The following NEURL1 variants were observed in gnomAD, a reference collection of about 807,000 sequenced individuals.
NEURL1 encodes the protein neuralized E3 ubiquitin protein ligase 1, also known as E3 ubiquitin-protein ligase NEURL1.
Under a neutral mutation model 41.2 loss-of-function variants are expected in NEURL1, and 26 were observed. That is an observed-to-expected ratio of 0.63 (90% CI 0.46 to 0.87). NEURL1 has a LOEUF of 0.87. NEURL1 is among the 40% of genes least tolerant of loss of function. The probability of loss-of-function intolerance (pLI) is 0.00; values close to 1 mark genes in which losing one functional copy is unlikely to be tolerated. For synonymous variants in NEURL1, 400 were observed against 402.3 expected (o/e 0.99, Z 0.07); for missense variants, 761 against 871.1 (o/e 0.87, Z 1.59).
At chr10:103,584,296 G>A (rs147080332) in intron 3 of NEURL1, among the ~76,000 whole-genome samples, 1 of 152,324 alleles carries the variant, frequency 6.6e-6, no homozygotes, top group East Asian at 1.9e-4. Context: ...GCACCTGTGA[G>A]CATTTGGAAG....
rs1239941547 is a variant in NEURL1, at chr10:103,569,924, G to A, written c.86-948G>A. On this transcript the variant is annotated intron_variant, in intron 1 of 5. Coordinates refer to ENST00000369780, the MANE Select transcript of NEURL1 (RefSeq NM_004210.5). ...TTGGAGATGCAAAGTGGTACAGAGG[G>A]ATGCAGACCAAAGCCAACACAGAGG... 2.0e-5 allele frequency among the ~76,000 whole-genome samples: 3 copies of A among 152,184 alleles called. 1 individual carries two copies. The highest frequency in any genetic ancestry group is 4.1e-4 in the South Asian group (2 of 4,830).
chr10:103,584,614 C>A lies in NEURL1; in HGVS notation c.728C>A (p.Ala243Glu), dbSNP rs2035857933. The change falls in exon 4 of 6, where the codon GCG becomes GAG. Residue 243 changes from alanine to glutamate, a missense_variant. By Grantham distance (107) the Ala-to-Glu change is moderately radical (BLOSUM62 -1). Around this residue, in one of 5 missense-constraint regions of NEURL1, gnomAD observed 114 missense variants for 144.8 expected, o/e 0.79. Transcript: ENST00000369780. ...CGGCGGCCGTCGCTGCGGCGCGAGG[C>A]GGACGACGCGCGCCTCTCGGTGAGC... ...ALRRPSLRREADDARLSVSLC... is the reference protein window; with the variant it reads ...ALRRPSLRREEDDARLSVSLC... The A allele has an allele frequency of 7.1e-7, 1 of 1,414,912 alleles. No individual in the cohort carries two copies. Among genetic ancestry groups the A allele is most frequent in the Non-Finnish European group, 9.2e-7 (1 of 1,090,272 alleles). 87.6% of individuals were successfully genotyped at this position (1,414,912 alleles called of 1,614,324 possible). A position where few individuals can be genotyped will look rare whatever the true frequency, so the allele number is the denominator to read the frequency against.
intron 1 of NEURL1, among the ~76,000 whole-genome samples, chr10:103,560,180 T>C (rs1019124507): frequency 1.3e-5 from 2 of 150,362 alleles, no homozygotes; most frequent in African/African-American, 5.0e-5. Flanking sequence ...TACACATGCA[T>C]GACTGTGGAT....
At chr10:103,587,935 T>G (rs2035955947) in intron 4 of NEURL1, among the ~76,000 whole-genome samples, 1 of 152,158 alleles carries the variant, frequency 6.6e-6, no homozygotes, top group Non-Finnish European at 1.5e-5. Context: ...AAGATCTCAT[T>G]GGGCACTTAG....
At chr10:103,533,505 G>A (rs1394028175) in intron 1 of NEURL1, among the ~76,000 whole-genome samples, 3 of 151,572 alleles carry the variant, frequency 2.0e-5, no homozygotes, top group Non-Finnish European at 4.4e-5. Context: ...GAGTAGCTGG[G>A]ATTACAGGCA....
chr10:103,531,672 C>T (rs1207706402), intron 1 of NEURL1, among the ~76,000 whole-genome samples: 1 of 149,270 alleles, frequency 6.7e-6, no homozygotes, highest in Non-Finnish European at 1.5e-5. Flanking sequence ...TGCATACTAC[C>T]ATTCCTGGCT....
intron 1 of NEURL1, among the ~76,000 whole-genome samples, chr10:103,546,855 A>G (rs1313367728): frequency 6.6e-6 from 1 of 152,178 alleles, no homozygotes; most frequent in African/African-American, 2.4e-5. Flanking sequence ...GGGGCTAAAG[A>G]GCTTTGAGAG....
At chr10:103,530,533 A>G (rs1421745051) in intron 1 of NEURL1, among the ~76,000 whole-genome samples, 1 of 152,122 alleles carries the variant, frequency 6.6e-6, no homozygotes, top group Admixed American at 6.6e-5. Context: ...TATGGTCAGA[A>G]ATGATAGTTG....
chr10:103,565,045 C>T (rs1406842347), intron 1 of NEURL1, among the ~76,000 whole-genome samples: 3 of 152,122 alleles, frequency 2.0e-5, no homozygotes, highest in African/African-American at 7.2e-5. Context: ...AGAAGAGTGG[C>T]GAGGCCTGAG....
intron 1 of NEURL1, among the ~76,000 whole-genome samples, chr10:103,510,456 G>A (rs2034043628): frequency 6.6e-6 from 1 of 152,154 alleles, no homozygotes; most frequent in Non-Finnish European, 1.5e-5. Context: ...AGCACACATC[G>A]AGTGGGACAT....
chr10:103,568,645 C>T (rs2035475428), intron 1 of NEURL1, among the ~76,000 whole-genome samples: 1 of 151,994 alleles, frequency 6.6e-6, no homozygotes, highest in Admixed American at 6.6e-5. Context: ...ATTACCACAT[C>T]AAGATAAGGA....
chr10:103,548,113 T>A (rs528467420), intron 1 of NEURL1, among the ~76,000 whole-genome samples: 1 of 152,238 alleles, frequency 6.6e-6, no homozygotes, highest in South Asian at 2.1e-4. Context: ...TGAACAAAAA[T>A]GCAGCACTAA....
intron 1 of NEURL1, among the ~76,000 whole-genome samples, chr10:103,560,058 TACAC>T (rs2035258478): frequency 6.6e-6 from 1 of 151,724 alleles, no homozygotes; most frequent in Non-Finnish European, 1.5e-5. Flanking sequence ...CACACACACA[TACAC>T]GCATGCACAC....
intron 1 of NEURL1, among the ~76,000 whole-genome samples, chr10:103,518,983 G>T (rs1462300695): frequency 6.6e-6 from 1 of 152,148 alleles, no homozygotes; most frequent in Non-Finnish European, 1.5e-5. Context: ...AGTGTCTCAT[G>T]CCTATAATCC....
chr10:103,586,711 T>G (rs2035931760), intron 4 of NEURL1, among the ~76,000 whole-genome samples: 1 of 152,186 alleles, frequency 6.6e-6, no homozygotes, highest in South Asian at 2.1e-4. Context: ...GACTTCCACC[T>G]CTGCAAAGAG....
chr10:103,542,712 T>C (rs1249638711), intron 1 of NEURL1, among the ~76,000 whole-genome samples: 1 of 152,240 alleles, frequency 6.6e-6, no homozygotes, highest in Non-Finnish European at 1.5e-5. Flanking sequence ...ACAAGTCACT[T>C]ACCCTCTTTC....
chr10:103,505,318 G>A (rs1425617588), intron 1 of NEURL1, among the ~76,000 whole-genome samples: 1 of 151,682 alleles, frequency 6.6e-6, no homozygotes, highest in East Asian at 1.9e-4. Flanking sequence ...CCATGTCTGG[G>A]TTCAAGCAAT....
intron 1 of NEURL1, among the ~76,000 whole-genome samples, chr10:103,528,603 C>T (rs951721423): frequency 6.6e-6 from 1 of 151,774 alleles, no homozygotes; most frequent in Non-Finnish European, 1.5e-5. Flanking sequence ...ACTCTGACTT[C>T]TGACAAAAGG....
At chr10:103,519,759 A>G (rs1242582968) in intron 1 of NEURL1, among the ~76,000 whole-genome samples, 1 of 120,156 alleles carries the variant, frequency 8.3e-6, no homozygotes, top group Non-Finnish European at 1.7e-5. Flanking sequence ...TACCATCACC[A>G]GCAATAGTTT....
Sources: gnomAD v4.1 joint callset for allele counts (sites outside exome capture counted in the v4.1 genomes callset) on GRCh38, gnomAD v4.1.1 for gene constraint, gnomAD v4.1.1 regional missense constraint, MANE v1.5 for transcripts, NCBI Gene and HGNC (gene_info 2026-07-23, HGNC 2026-07-21) for gene names.